Variants in TECTA observed in about 807,000 individuals in gnomAD.
The protein encoded by TECTA is alpha-tectorin.
A neutral mutation model predicts 216.8 loss-of-function variants in TECTA; 128 were observed. That is an observed-to-expected ratio of 0.59 (90% CI 0.51 to 0.68). The LOEUF is 0.68. TECTA is among the 30% of genes least tolerant of loss of function. The pLI is 0.00. For missense variants in TECTA, 2,551 were observed against 2,786.2 expected (o/e 0.92, Z 1.90); for synonymous variants, 1,089 against 1,117.1 (o/e 0.97, Z 0.50).
intron 20 of TECTA, among the ~76,000 whole-genome samples, chr11:121,181,349 G>A (rs1591470266): frequency 6.6e-6 from 1 of 151,586 alleles, no homozygotes; most frequent in South Asian, 2.1e-4. Flanking sequence ...TTGTTTATTT[G>A]TGTTTTCCTG....
At chr11:121,121,209 C>T (rs1946555293) in intron 7 of TECTA, among the ~76,000 whole-genome samples, 1 of 152,230 alleles carries the variant, frequency 6.6e-6, no homozygotes, top group Non-Finnish European at 1.5e-5. Context: ...ATGTCCAGTA[C>T]AAAGCCTGGC....
At chr11:121,147,603 T>C (rs1023217169) in intron 12 of TECTA, among the ~76,000 whole-genome samples, 16 of 152,282 alleles carry the variant, frequency 1.1e-4, no homozygotes, top group South Asian at 4.2e-4. Context: ...TCTGGATTCA[T>C]TGGGGGTCAT....
chr11:121,110,004 C>G (rs1301202249), intron 4 of TECTA: 13 of 170,692 alleles, frequency 7.6e-5, no homozygotes, highest in Admixed American at 7.1e-4. Context: ...GTTGTGACAT[C>G]TTTTTTATTG....
chr11:121,113,658 C>T lies in TECTA; in HGVS notation c.730C>T (p.Arg244Cys), dbSNP rs748931180. The T allele has an allele frequency of 4.3e-6, 7 of 1,613,798 alleles. No homozygotes were observed. Among genetic ancestry groups the T allele is most frequent in the Non-Finnish European group, 5.1e-6 (6 of 1,179,982 alleles). The change falls in exon 6 of 24, where the codon CGC becomes TGC. Residue 244 changes from arginine to cysteine, a missense_variant. Arg to Cys is a radical substitution (Grantham distance 180, BLOSUM62 -3). Transcript: ENST00000392793. The surrounding 1 kb of genome is among the most constrained non-coding windows in gnomAD (Gnocchi z 4.2). Reference sequence around the variant, plus strand: ...GACCACAAACGTCAATGTTCCAGGCCGCTGGGCATTTAAAGTTGATGGAAA... The same window carrying T: ...GACCACAAACGTCAATGTTCCAGGCTGCTGGGCATTTAAAGTTGATGGAAA... The part of the protein sequence containing the change: ...QETTNVNVPG[R>C]WAFKVDGKEI...
chr11:121,185,279 AAT>A (rs1947271427), intron 20 of TECTA, among the ~76,000 whole-genome samples: 2 of 152,200 alleles, frequency 1.3e-5, no homozygotes, highest in African/African-American at 4.8e-5. Context: ...CCAGATGTTC[AAT>A]GCTTAATGAA....
chr11:121,113,010 T>C lies in TECTA; in HGVS notation c.487-62T>C. On this transcript the variant is annotated intron_variant, in intron 4 of 23. Coordinates refer to ENST00000392793, the MANE Select transcript of TECTA (RefSeq NM_005422.4). The surrounding 1 kb of genome is among the most constrained non-coding windows in gnomAD (Gnocchi z 4.2). ...GAGGGCGCAGGGTGAAGGGAGGACCTCCTTGGGGCCAGGACCTCCTGGGGA... is the reference window on the plus strand; with the variant it reads ...GAGGGCGCAGGGTGAAGGGAGGACCCCCTTGGGGCCAGGACCTCCTGGGGA... The C allele has an allele frequency of 6.2e-7, 1 of 1,610,046 alleles. No individual in the cohort carries two copies. The highest frequency in any genetic ancestry group is 1.7e-5 in the Admixed American group (1 of 59,800).
intron 20 of TECTA, among the ~76,000 whole-genome samples, chr11:121,177,805 C>T (rs889542010): frequency 3.9e-5 from 6 of 152,210 alleles, no homozygotes; most frequent in African/African-American, 1.2e-4. Context: ...GGCAGGCAGG[C>T]GTCCTTGAGC....
intron 12 of TECTA, among the ~76,000 whole-genome samples, chr11:121,150,633 G>A (rs1345810385): frequency 6.8e-6 from 1 of 146,334 alleles, no homozygotes; most frequent in Non-Finnish European, 1.5e-5. Context: ...TACCACAAAG[G>A]CCTATTTTAA....
chr11:121,120,300 A>C (rs529713516), intron 7 of TECTA, among the ~76,000 whole-genome samples: 1 of 152,300 alleles, frequency 6.6e-6, no homozygotes, highest in South Asian at 2.1e-4. Flanking sequence ...ATGTGGGTGA[A>C]TGTAAATGTT....
At chr11:121,172,292 C>T (rs1180720659) in intron 20 of TECTA, among the ~76,000 whole-genome samples, 1 of 151,992 alleles carries the variant, frequency 6.6e-6, no homozygotes, top group Non-Finnish European at 1.5e-5. Context: ...CACCCATTAA[C>T]TCGTCATTTA....
chr11:121,165,247 A>C (rs757504593), intron 16 of TECTA, 26 bp from the exon 17 acceptor site: 1 of 1,570,372 alleles, frequency 6.4e-7, no homozygotes, highest in East Asian at 2.3e-5. Flanking sequence ...GAAGTTGTGC[A>C]TGTTTCTGTG....
chr11:121,151,059 A>G (rs765258094), intron 12 of TECTA, among the ~76,000 whole-genome samples: 3 of 152,264 alleles, frequency 2.0e-5, no homozygotes, highest in Non-Finnish European at 2.9e-5. Flanking sequence ...TAAATGGATT[A>G]TAAACAAATG....
chr11:121,132,925 G>A (rs1946689811), intron 10 of TECTA, among the ~76,000 whole-genome samples: 1 of 152,024 alleles, frequency 6.6e-6, no homozygotes, highest in Admixed American at 6.6e-5. Flanking sequence ...TAGAGACGGG[G>A]GTTTCACCAT....
intron 20 of TECTA, among the ~76,000 whole-genome samples, chr11:121,171,863 C>T (rs552357292): frequency 6.6e-6 from 1 of 152,226 alleles, no homozygotes; most frequent in South Asian, 2.1e-4. Context: ...TGCAAAGGGA[C>T]AGTTTGACTT....
Position 121,113,700 on chromosome 11 carries a change from A to C in TECTA, c.772A>C (p.Asn258His), listed in dbSNP as rs764408531. 4 of 1,613,652 alleles carry C rather than the reference A, an allele frequency of 2.5e-6. No individual in the cohort carries two copies. The highest frequency in any genetic ancestry group is 3.4e-6 in the Non-Finnish European group (4 of 1,180,028). Residue 258 changes from asparagine (N) to histidine (H), a missense_variant, in exon 6 of 24, where the codon AAT (asparagine) becomes CAT (histidine). Physicochemically the swap from Asn to His is moderately conservative, Grantham distance 68 (BLOSUM62 1). This residue lies in a region of TECTA where 2,375 missense variants were observed against 2,563.9 expected (regional missense o/e 0.93). Transcript: ENST00000392793. This position sits in a 1 kb window ranked among gnomAD's most constrained non-coding sequence, Gnocchi z 4.2. ...KVDGKEIDPANGCTSRGQFLR... is the reference protein window; with the variant it reads ...KVDGKEIDPAHGCTSRGQFLR... ...TGATGGAAAGGAAATTGACCCAGCC[A>C]ATGGCTGCACCTCAAGGGGTAAAGC...
At position 121,158,186 on chromosome 11, in the gene TECTA, G is replaced by C; in HGVS notation, c.4651G>C (p.Glu1551Gln). Residue 1551 changes from glutamate (E) to glutamine (Q), a missense_variant, in exon 14 of 24, where the codon GAA becomes CAA. By Grantham distance (29) the Glu-to-Gln change is conservative. Transcript: ENST00000392793. Reference protein sequence around the residue: ...IISPVYFYINEEQILINDRNT... With the variant: ...IISPVYFYINQEQILINDRNT... Reference sequence around the variant, plus strand: ...TTCGCCCGTCTACTTCTACATTAACGAAGAGCAGATTCTCATCAACGACCG... The same window carrying C: ...TTCGCCCGTCTACTTCTACATTAACCAAGAGCAGATTCTCATCAACGACCG... The C allele has an allele frequency of 6.2e-7, 1 of 1,613,878 alleles. No homozygotes were observed. Among genetic ancestry groups the C allele is most frequent in the East Asian group, 2.2e-5 (1 of 44,886 alleles).
At chr11:121,182,226 GTGGGTGGGTCC>G (rs1947237177) in intron 20 of TECTA, among the ~76,000 whole-genome samples, 1 of 152,038 alleles carries the variant, frequency 6.6e-6, no homozygotes, top group South Asian at 2.1e-4. Flanking sequence ...AGTGGGCCAG[GTGGGTGGGTCC>G]TCAGGCCCTA....
chr11:121,128,334 C>T lies in TECTA; in HGVS notation c.2357C>T (p.Ser786Leu), dbSNP rs1174777963. Residue 786 changes from serine (S) to leucine (L), a missense_variant, in exon 9 of 24, where the codon TCG becomes TTG. Physicochemically the swap from Ser to Leu is moderately radical, Grantham distance 145. Around this residue, in one of 3 missense-constraint regions of TECTA, gnomAD observed 2,375 missense variants for 2,563.9 expected, o/e 0.93. Coordinates refer to ENST00000392793, the MANE Select transcript of TECTA (RefSeq NM_005422.4). ...GTCAAGATAGGAGGCATCGGGGCTT[C>T]GGAAGTCAAGGTAAGGCTCCTTGCT... is the stretch of plus-strand genomic sequence containing the variant. ...QEVKIGGIGA[S>L]EVKLNGQEVE... 2.5e-6 allele frequency: 4 copies of T among 1,599,558 alleles called. No individual in the cohort carries two copies. The highest frequency in any genetic ancestry group is 1.3e-5 in the African/African-American group (1 of 75,036).
intron 10 of TECTA, among the ~76,000 whole-genome samples, 192 bp from the exon 11 acceptor site, chr11:121,137,229 C>T (rs1420537414): frequency 6.6e-6 from 1 of 152,076 alleles, no homozygotes; most frequent in Non-Finnish European, 1.5e-5. Context: ...TGCATGCACA[C>T]ACATGCACTC....
Sources: gnomAD v4.1 joint callset for allele counts (sites outside exome capture counted in the v4.1 genomes callset) on GRCh38, gnomAD v4.1.1 for gene constraint, gnomAD v4.1.1 regional missense constraint, Gnocchi (gnomAD v3.1) non-coding constraint, MANE v1.5 for transcripts, NCBI Gene and HGNC (gene_info 2026-07-23, HGNC 2026-07-21) for gene names.